The following WDR90 variants were observed in gnomAD, a reference collection of about 807,000 sequenced individuals.
WDR90 encodes the protein WD repeat domain 90.
WDR90 carries 238 observed loss-of-function variants against 195.2 expected under a neutral mutation model. The ratio of observed to expected loss-of-function variants is 1.22; its 90% confidence interval spans 1.10 to 1.36. The LOEUF (loss-of-function observed/expected upper bound fraction) is 1.36, where lower values mean the gene tolerates loss of function less well. Among genes scored for constraint, WDR90 ranks in the 40% most tolerant of loss-of-function variants. The pLI, the probability that WDR90 is intolerant of heterozygous loss-of-function variation, is 0.00. For synonymous variants in WDR90, 1,265 were observed against 1,052.4 expected (o/e 1.20, Z -3.91); for missense variants, 2,734 against 2,439.5 (o/e 1.12, Z -2.54).
In WDR90 at chr16:661,743, A is replaced by G. The variant is rs1306330348; in HGVS notation, c.3820A>G (p.Thr1274Ala). 8 of 1,610,666 alleles carry G rather than the reference A, an allele frequency of 5.0e-6. No individual in the cohort carries two copies. Among genetic ancestry groups the G allele is most frequent in the Non-Finnish European group, 6.8e-6 (8 of 1,178,888 alleles). ...CACCTGTGTGGGCCAGGGCACTGTCACCTTCTGGCTCCTTCAGCAGCGTGG... is the reference window on the plus strand; with the variant it reads ...CACCTGTGTGGGCCAGGGCACTGTCGCCTTCTGGCTCCTTCAGCAGCGTGG... ...ELTCVGQGTVTFWLLQQRGAD... is the reference protein window; with the variant it reads ...ELTCVGQGTVAFWLLQQRGAD... The change falls in exon 31 of 41, where the codon ACC (threonine) becomes GCC (alanine). Residue 1274 changes from threonine to alanine, a missense_variant. Thr to Ala is a moderately conservative substitution (Grantham distance 58). Coordinates refer to ENST00000293879, the MANE Select transcript of WDR90 (RefSeq NM_145294.5).
At position 656,447 on chromosome 16, in the gene WDR90, G is replaced by A. The variant is rs1371845160; in HGVS notation, c.2112G>A (p.Leu704=). The change falls in exon 18 of 41, where the codon TTG becomes TTA. Residue 704 remains leucine (L), a synonymous_variant. Coordinates refer to ENST00000293879, the MANE Select transcript of WDR90 (RefSeq NM_145294.5). ...MLARSHTAPV[L]ALAMEQRRGQ... ...CTCGCTCCCACACCGCCCCGGTGTTGGCCCTCGCCATGGAGCAGAGGCGGG... is the reference window on the plus strand; with the variant it reads ...CTCGCTCCCACACCGCCCCGGTGTTAGCCCTCGCCATGGAGCAGAGGCGGG... The A allele has an allele frequency of 2.5e-6, 4 of 1,600,890 alleles. 1 individual carries two copies. Among genetic ancestry groups the A allele is most frequent in the East Asian group, 2.3e-5 (1 of 44,338 alleles).
chr16:658,322 T>G lies in WDR90; in HGVS notation c.2744T>G (p.Val915Gly). The change falls in exon 22 of 41, where the codon GTG becomes GGG. Residue 915 changes from valine (V) to glycine (G), a missense_variant. Physicochemically the swap from Val to Gly is moderately radical, Grantham distance 109. Coordinates refer to ENST00000293879, the MANE Select transcript of WDR90 (RefSeq NM_145294.5). ...AACAGAGTCGTGGTGCTGGATGCTGTGTCGGGCCGCATCATCCGGGAGGTG... is the reference window on the plus strand; with the variant it reads ...AACAGAGTCGTGGTGCTGGATGCTGGGTCGGGCCGCATCATCCGGGAGGTG... ...SSNRVVVLDA[V>G]SGRIIRELPG... The G allele has an allele frequency of 6.2e-7, 1 of 1,612,522 alleles. No homozygotes were observed. Among genetic ancestry groups the G allele is most frequent in the Non-Finnish European group, 8.5e-7 (1 of 1,179,856 alleles).
At position 650,131 on chromosome 16, in the gene WDR90, C is replaced by G. The variant is rs1384224450; in HGVS notation, c.243C>G (p.Ser81Arg). 2 of 1,613,076 alleles carry G rather than the reference C, an allele frequency of 1.2e-6. No homozygotes were observed. The highest frequency in any genetic ancestry group is 1.7e-6 in the Non-Finnish European group (2 of 1,179,956). ...ATGTGCTCTTTCGGCCCCTGCCCAG[C>G]AAGCACTTCGTCATCCACCTCGATG... is the stretch of plus-strand genomic sequence containing the variant. ...YLYVLFRPLP[S>R]KHFVIHLDVS... The change falls in exon 3 of 41, where the codon AGC (serine) becomes AGG (arginine). Residue 81 changes from serine (S) to arginine (R), a missense_variant. Coordinates refer to ENST00000293879, the MANE Select transcript of WDR90 (RefSeq NM_145294.5).
At chr16:650,951 G>A in intron 5 of WDR90, 44 bp from the exon 6 acceptor site, 2 of 1,603,244 alleles carry the variant, frequency 1.2e-6, no homozygotes, top group Non-Finnish European at 1.7e-6. Flanking sequence ...TGTTCAGGTG[G>A]CTAAACAGCC....
intron 34 of WDR90, among the ~76,000 whole-genome samples, chr16:664,786 TCTC>T (rs1223225981): frequency 6.6e-6 from 1 of 151,932 alleles, no homozygotes; most frequent in Admixed American, 6.6e-5. Context: ...TTCACACCAT[TCTC>T]CTGTCTCAGC....
intron 34 of WDR90, chr16:663,127 TTTTTGTA>T (rs1366273256): frequency 1.7e-6 from 1 of 573,884 alleles, no homozygotes; most frequent in Non-Finnish European, 3.3e-6. Context: ...TGTTTTTTGT[TTTTTGTA>T]ATTGTCAAAG....
chr16:653,176 G>A (rs1397077107), intron 10 of WDR90, among the ~76,000 whole-genome samples, 165 bp from the exon 11 acceptor site: 2 of 152,202 alleles, frequency 1.3e-5, no homozygotes, highest in African/African-American at 2.4e-5. Context: ...AGTGTGTGCA[G>A]GGTGTGTGTT....
intron 9 of WDR90, 115 bp from the exon 10 acceptor site, chr16:652,352 G>A: frequency 8.0e-7 from 1 of 1,243,894 alleles, no homozygotes; most frequent in East Asian, 2.4e-5. Context: ...CCAGGACCAG[G>A]GCAGTCTTCT....
chr16:651,998 G>C lies in WDR90; in HGVS notation c.1012G>C (p.Glu338Gln). Residue 338 changes from glutamate (E) to glutamine (Q), a missense_variant, in exon 9 of 41, where the codon GAG becomes CAG. Physicochemically the swap from Glu to Gln is conservative, Grantham distance 29. Coordinates refer to ENST00000293879, the MANE Select transcript of WDR90 (RefSeq NM_145294.5). The stretch of plus-strand genomic sequence containing the variant: ...TGCCGGCACCCACGTGTTGACTCAC[G>C]AGTCGGCTGAGGTGCCCGTGGCCCG... ...AAAGTHVLTH[E>Q]SAEVPVARTG... 5 of 1,604,820 alleles carry C rather than the reference G, an allele frequency of 3.1e-6. No homozygotes were observed. Among genetic ancestry groups the C allele is most frequent in the Non-Finnish European group, 4.2e-6 (5 of 1,177,044 alleles).
chr16:663,676 C>T (rs2037964087), intron 34 of WDR90: 1 of 130,426 alleles, frequency 7.7e-6, no homozygotes, highest in African/African-American at 3.6e-5. Flanking sequence ...AGCTGCGTCT[C>T]CAAGAAGTAC....
rs1489611508 is a variant in WDR90, at chr16:661,450, AC to A, written c.3624del (p.Val1209CysfsTer95). On this transcript the variant is annotated frameshift_variant, in exon 30 of 41. Transcript: ENST00000293879. LOFTEE classifies it high-confidence loss of function. ...CQHLIFPHST[T>X]VLALAFSPDD... ...GCATCTCATTTTCCCCCATAGCACC[AC>A]CGTGCTGGCCCTGGCCTTCTCACCA... 1 of 1,612,052 alleles carries A rather than the reference AC, an allele frequency of 6.2e-7. No individual in the cohort carries two copies. Among genetic ancestry groups the A allele is most frequent in the Admixed American group, 1.7e-5 (1 of 59,934 alleles).
In WDR90 at chr16:665,531, C is replaced by T. The variant is rs1262905331; in HGVS notation, c.4312-148C>T. On this transcript the variant is annotated intron_variant, in intron 34 of 40. Transcript: ENST00000293879. ...GGGACACACACGGGGGCCGGCATTG[C>T]TCCTTTCCGCCATGTGGAGTTGGCC... 9 of 1,317,560 alleles carry T rather than the reference C, an allele frequency of 6.8e-6. No individual in the cohort carries two copies. The Admixed American group carries it at 8.8e-5, about 13-fold the overall frequency. The allele number at this position is 1,317,560 out of a possible 1,614,324, so 81.6% of individuals were successfully genotyped here. A position where few individuals can be genotyped will look rare whatever the true frequency, so the allele number is the denominator to read the frequency against.
At position 649,606 on chromosome 16, in the gene WDR90, G is replaced by C. The variant is rs1209783562; in HGVS notation, c.11-157G>C. 4 of 1,129,788 alleles carry C rather than the reference G, an allele frequency of 3.5e-6. No homozygotes were observed. In the East Asian group the frequency reaches 1.3e-4, roughly 37 times the overall value. The allele number at this position is 1,129,788 out of a possible 1,614,324, so 70.0% of individuals were successfully genotyped here. A position where few individuals can be genotyped will look rare whatever the true frequency, so the allele number is the denominator to read the frequency against. On this transcript the variant is annotated intron_variant, in intron 1 of 40. Transcript: ENST00000293879. ...TCCCGGAGCTTGGCTTCCCTCGGGC[G>C]CCCGGCCTCGTCCCGCCAGCCTAGC...
In WDR90 at chr16:663,027, T is replaced by A. The variant is rs929695403; in HGVS notation, c.4311+183T>A. On this transcript the variant is annotated intron_variant, in intron 34 of 40. Coordinates refer to ENST00000293879, the MANE Select transcript of WDR90 (RefSeq NM_145294.5). ...CACGTCCCCTCAAAGCCGTCCCGGT[T>A]GTGTCTGCACAAGCGAGCCGCCTGG... The A allele has an allele frequency of 9.7e-6, 9 of 925,328 alleles. No individual in the cohort carries two copies. In the African/African-American group the frequency reaches 1.3e-4, roughly 14 times the overall value. The allele number at this position is 925,328 out of a possible 1,614,324, so 57.3% of individuals were successfully genotyped here.
chr16:665,617 G>T, intron 34 of WDR90, 62 bp from the exon 35 acceptor site: 1 of 1,610,062 alleles, frequency 6.2e-7, no homozygotes, highest in Non-Finnish European at 8.5e-7. Flanking sequence ...AATAGGAAAT[G>T]CCTGCGTCCC....
intron 21 of WDR90, 30 bp from the exon 22 acceptor site, chr16:658,153 T>C: frequency 1.3e-6 from 2 of 1,593,994 alleles, no homozygotes; most frequent in Non-Finnish European, 1.7e-6. Context: ...CCAGGGGCCC[T>C]GACTGTCGGC....
rs1309138609 is a variant in WDR90, at chr16:659,227, G to A, written c.3053-18G>A. ...TTCCTCTTCCTTCCCAAACATCACA[G>A]GGCTGCTTCTTCCCCAGGCCCGGGC... is the stretch of plus-strand genomic sequence containing the variant. On this transcript the variant is annotated intron_variant, in intron 25 of 40. Transcript: ENST00000293879. The A allele has an allele frequency of 1.9e-6, 3 of 1,611,366 alleles. No individual in the cohort carries two copies. The highest frequency in any genetic ancestry group is 2.7e-5 in the African/African-American group (2 of 74,898).
Position 656,647 on chromosome 16 carries a change from T to G in WDR90, c.2203-85T>G, listed in dbSNP as rs1051501658. ...AGGGACCTGGACTTTCCAGCCTGTG[T>G]CGGCCCCATGGGTTTGGGCCGCCTG... On this transcript the variant is annotated intron_variant, in intron 18 of 40. Coordinates refer to ENST00000293879, the MANE Select transcript of WDR90 (RefSeq NM_145294.5). The G allele has an allele frequency of 3.8e-6, 6 of 1,570,536 alleles. No homozygotes were observed. The Admixed American group carries it at 1.1e-4, about 28-fold the overall frequency.
chr16:650,004 A>G lies in WDR90; in HGVS notation c.116A>G (p.Lys39Arg). The stretch of plus-strand genomic sequence containing the variant: ...CCGCTTCTCCAGGACAAGACCCTGA[A>G]GGGCGCCGTGTATCGCATTCGGGGC... ...DVAVVTDKTL[K>R]GAVYRIRGSV... The change falls in exon 3 of 41, where the codon AAG becomes AGG. Residue 39 changes from lysine to arginine, a missense_variant. Transcript: ENST00000293879. 6.2e-7 allele frequency: 1 copy of G among 1,612,770 alleles called. No individual in the cohort carries two copies. The highest frequency in any genetic ancestry group is 8.5e-7 in the Non-Finnish European group (1 of 1,179,944).
Sources: gnomAD v4.1 joint callset for allele counts (sites outside exome capture counted in the v4.1 genomes callset) on GRCh38, gnomAD v4.1.1 for gene constraint, MANE v1.5 for transcripts, NCBI Gene and HGNC (gene_info 2026-07-23, HGNC 2026-07-21) for gene names.